Variants in ERBB4 observed in about 807,000 individuals in gnomAD.
ERBB4 encodes erb-b2 receptor tyrosine kinase 4.
ERBB4 carries 42 observed loss-of-function variants against 158.0 expected under a neutral mutation model. That is an observed-to-expected ratio of 0.27 (90% confidence interval 0.21 to 0.34). The LOEUF (loss-of-function observed/expected upper bound fraction) is 0.34. Among genes scored for constraint, ERBB4 ranks in the 10% least tolerant of loss-of-function variants. The pLI is 1.00. For missense variants in ERBB4, 1,333 were observed against 1,624.1 expected, an observed-to-expected ratio of 0.82 and a Z score of 3.08; for synonymous variants, 583 against 558.7, an observed-to-expected ratio of 1.04 and a Z score of -0.61.
intron 20 of ERBB4, among the ~76,000 whole-genome samples, chr2:211,490,760 T>A (rs954586688): frequency 2.6e-5 from 4 of 152,082 alleles, no homozygotes; most frequent in African/African-American, 9.7e-5. Flanking sequence ...CTTATTGCCC[T>A]CTTACAGCTT....
intron 3 of ERBB4, among the ~76,000 whole-genome samples, chr2:211,888,602 G>C (rs1486267789): frequency 6.6e-6 from 1 of 152,214 alleles, no homozygotes; most frequent in African/African-American, 2.4e-5. Context: ...GAGCGACGCA[G>C]AAGACGGGTG....
chr2:211,386,672 A>T (rs2062690796), intron 27 of ERBB4, among the ~76,000 whole-genome samples, 181 bp downstream of exon 27: 1 of 152,220 alleles, frequency 6.6e-6, no homozygotes, highest in Admixed American at 6.5e-5. Flanking sequence ...TATATAAATA[A>T]TAATAAATAA....
At chr2:211,507,470 G>A (rs1352785164) in intron 20 of ERBB4, among the ~76,000 whole-genome samples, 2 of 152,082 alleles carry the variant, frequency 1.3e-5, no homozygotes, top group Non-Finnish European at 2.9e-5. Flanking sequence ...CAAAGCAGGA[G>A]GCATCACATT....
At chr2:212,429,557 G>A (rs887129671) in intron 1 of ERBB4, among the ~76,000 whole-genome samples, 2 of 152,282 alleles carry the variant, frequency 1.3e-5, no homozygotes, top group Non-Finnish European at 2.9e-5. Context: ...CATTTACTAA[G>A]TTCTTATGCC....
intron 2 of ERBB4, among the ~76,000 whole-genome samples, chr2:212,085,276 A>G (rs530602341): frequency 6.6e-6 from 1 of 152,096 alleles, no homozygotes; most frequent in South Asian, 2.1e-4. Flanking sequence ...GAAATTATTT[A>G]AGGCCAGAGT....
intron 12 of ERBB4, among the ~76,000 whole-genome samples, chr2:211,701,598 T>C (rs1334117647): frequency 1.3e-5 from 2 of 150,668 alleles, no homozygotes; most frequent in Admixed American, 1.3e-4. Context: ...CTACTAAAAA[T>C]ACCAAAAAAA....
chr2:212,084,296 C>A (rs985190772), intron 2 of ERBB4, among the ~76,000 whole-genome samples: 1 of 151,986 alleles, frequency 6.6e-6, no homozygotes, highest in African/African-American at 2.4e-5. Flanking sequence ...AAGTTATCCA[C>A]TTATGAGAAT....
intron 2 of ERBB4, among the ~76,000 whole-genome samples, chr2:212,053,979 G>A (rs2077477623): frequency 6.6e-6 from 1 of 152,248 alleles, no homozygotes; most frequent in African/African-American, 2.4e-5. Context: ...GGATAAATAT[G>A]ATGGCAGCTG....
chr2:211,647,191 CT>C (rs1235612491), intron 16 of ERBB4, among the ~76,000 whole-genome samples: 2 of 151,340 alleles, frequency 1.3e-5, no homozygotes, highest in African/African-American at 4.8e-5. Context: ...CTTAACTCTT[CT>C]TTTTTTTCAG....
At chr2:212,466,230 G>A (rs1367893860) in intron 1 of ERBB4, among the ~76,000 whole-genome samples, 1 of 152,180 alleles carries the variant, frequency 6.6e-6, no homozygotes, top group East Asian at 1.9e-4. Flanking sequence ...GAACAACACA[G>A]GTTTGAACTG....
At chr2:212,291,111 G>A (rs554844440) in intron 1 of ERBB4, among the ~76,000 whole-genome samples, 66 of 152,164 alleles carry the variant, frequency 4.3e-4, no homozygotes, top group African/African-American at 1.5e-3. Context: ...AAGGAGCTGT[G>A]CCTCAGCAAT....
chr2:212,327,668 G>A (rs1483712977), intron 1 of ERBB4, among the ~76,000 whole-genome samples: 3 of 151,400 alleles, frequency 2.0e-5, no homozygotes, highest in East Asian at 3.9e-4. Context: ...GGGCACAAGG[G>A]ATCTGTTTTG....
At chr2:212,191,992 A>ACATATGT (rs1559706611) in intron 1 of ERBB4, among the ~76,000 whole-genome samples, 1 of 120,494 alleles carries the variant, frequency 8.3e-6, no homozygotes, top group African/African-American at 3.3e-5. Flanking sequence ...GTTATATGTT[A>ACATATGT]TATATGTTAT....
chr2:212,335,737 T>C (rs1019319294), intron 1 of ERBB4, among the ~76,000 whole-genome samples: 1 of 152,012 alleles, frequency 6.6e-6, no homozygotes, highest in Non-Finnish European at 1.5e-5. Flanking sequence ...AACGAGATAC[T>C]ATGAAATTCA....
intron 1 of ERBB4, among the ~76,000 whole-genome samples, chr2:212,188,968 A>T (rs1181331617): frequency 6.6e-6 from 1 of 151,134 alleles, no homozygotes; most frequent in East Asian, 2.0e-4. Context: ...TTTTCTATAC[A>T]TGTAGTCAAA....
intron 3 of ERBB4, among the ~76,000 whole-genome samples, chr2:211,828,657 C>T (rs1360694407): frequency 6.6e-6 from 1 of 152,064 alleles, no homozygotes; most frequent in Non-Finnish European, 1.5e-5. Flanking sequence ...AGAAAGGTTC[C>T]CTAGATGAAA....
chr2:211,985,944 T>C (rs1281134507), intron 2 of ERBB4, among the ~76,000 whole-genome samples: 2 of 152,188 alleles, frequency 1.3e-5, no homozygotes, highest in African/African-American at 2.4e-5. Flanking sequence ...GACCTCAGAC[T>C]GTGACCTTAT....
intron 1 of ERBB4, 37 bp from the exon 2 acceptor site, chr2:212,124,940 C>T: frequency 6.2e-7 from 1 of 1,610,376 alleles, no homozygotes; most frequent in South Asian, 1.1e-5. Flanking sequence ...AATTACATAA[C>T]CTTTATATGA....
chr2:211,703,741 C>A (rs2073337220), intron 11 of ERBB4, among the ~76,000 whole-genome samples: 1 of 152,144 alleles, frequency 6.6e-6, no homozygotes, highest in South Asian at 2.1e-4. Flanking sequence ...AACCTCCTGG[C>A]ACAACAGCAT....
Sources: allele counts gnomAD v4.1 joint callset (sites outside exome capture counted in the v4.1 genomes callset), GRCh38; gene constraint gnomAD v4.1.1; transcripts MANE v1.5; gene names NCBI Gene and HGNC (gene_info 2026-07-23, HGNC 2026-07-21).